Variants in SEPTIN9 observed in about 807,000 individuals in gnomAD.
SEPTIN9 encodes the protein septin-9.
A neutral mutation model predicts 56.6 loss-of-function variants in SEPTIN9; 13 were observed. The ratio of observed to expected loss-of-function variants is 0.23; its 90% confidence interval spans 0.15 to 0.37. SEPTIN9 has a LOEUF of 0.37. Ranked by LOEUF, SEPTIN9 falls within the 10% of genes least tolerant of loss-of-function variation. The pLI is 1.00. For missense variants in SEPTIN9, 650 were observed against 823.1 expected, an observed-to-expected ratio of 0.79 and a Z score of 2.57; for synonymous variants, 332 against 334.1, an observed-to-expected ratio of 0.99 and a Z score of 0.07.
chr17:77,455,444 CGGTCACTGAAT>C (rs2038157363), intron 3 of SEPTIN9, among the ~76,000 whole-genome samples: 1 of 152,246 alleles, frequency 6.6e-6, no homozygotes, highest in Non-Finnish European at 1.5e-5. Context: ...CCAGGTGACT[CGGTCACTGAAT>C]GGTCACTGAA....
intron 1 of SEPTIN9, among the ~76,000 whole-genome samples, chr17:77,294,289 G>A (rs2031705745): frequency 6.6e-6 from 1 of 151,600 alleles, no homozygotes; most frequent in Non-Finnish European, 1.5e-5. Flanking sequence ...GTGTGATGAC[G>A]CACGCCTGTA....
chr17:77,418,351 T>C (rs2036576005), intron 3 of SEPTIN9, among the ~76,000 whole-genome samples: 1 of 151,728 alleles, frequency 6.6e-6, no homozygotes, highest in Non-Finnish European at 1.5e-5. Flanking sequence ...CTCTGCTCTT[T>C]TTTTTTCTTA....
At position 77,405,147 on chromosome 17, in the gene SEPTIN9, G is replaced by A. The variant is rs781306427; in HGVS notation, c.721+2444G>A. The A allele has an allele frequency of 1.9e-5, 29 of 1,531,394 alleles. No individual in the cohort carries two copies. The highest frequency in any genetic ancestry group is 2.4e-5 in the Non-Finnish European group (28 of 1,143,266). 94.9% of individuals were successfully genotyped at this position (1,531,394 alleles called of 1,614,324 possible). A position where few individuals can be genotyped will look rare whatever the true frequency, so the allele number is the denominator to read the frequency against. ...TCCTGGCTCTGGGGGACAGGTAGGG[G>A]GATGTCCATGGGGATGTACAAGAAC... is the stretch of plus-strand genomic sequence containing the variant. On this transcript the variant is annotated intron_variant, in intron 3 of 11. Transcript: ENST00000427177. The surrounding 1 kb of genome is among the most constrained non-coding windows in gnomAD (Gnocchi z 5.8).
Position 77,310,001 on chromosome 17 carries a change from TAG to T in SEPTIN9, c.76+2807_76+2808del, listed in dbSNP as rs2032427489. 6.6e-6 allele frequency among the ~76,000 whole-genome samples: 1 copy of T among 151,118 alleles called. No homozygotes were observed. The highest frequency in any genetic ancestry group is 1.5e-5 in the Non-Finnish European group (1 of 67,734). The stretch of plus-strand genomic sequence containing the variant: ...GGTCTCCTTTTTTTTTTTTTTGAGA[TAG>T]AGTCTCGCTCTATCGCCCAGGCTGG... On this transcript the variant is annotated intron_variant, in intron 2 of 11. Transcript: ENST00000427177. The surrounding 1 kb of genome is among the most constrained non-coding windows in gnomAD (Gnocchi z 4.7).
chr17:77,382,514 C>T (rs867765428), intron 2 of SEPTIN9, among the ~76,000 whole-genome samples: 2 of 152,278 alleles, frequency 1.3e-5, no homozygotes, highest in Admixed American at 6.5e-5. Context: ...GGCCCTGCTG[C>T]GCACGAGATC....
At chr17:77,388,485 G>A (rs80090184) in intron 2 of SEPTIN9, among the ~76,000 whole-genome samples, 53 of 152,342 alleles carry the variant, frequency 3.5e-4, no homozygotes, top group African/African-American at 1.1e-3. Flanking sequence ...AGGCAGATCC[G>A]TGTAGGTTCA....
intron 2 of SEPTIN9, among the ~76,000 whole-genome samples, chr17:77,345,409 C>G (rs900968120): frequency 3.3e-5 from 5 of 152,240 alleles, no homozygotes; most frequent in African/African-American, 9.6e-5. Flanking sequence ...GGAGCGTCCT[C>G]CACACCTTGC....
At chr17:77,480,697 G>GC (rs2039420995) in intron 3 of SEPTIN9, among the ~76,000 whole-genome samples, 1 of 152,200 alleles carries the variant, frequency 6.6e-6, no homozygotes, top group African/African-American at 2.4e-5. Context: ...CCCCTGCTGG[G>GC]TGCCCACCGG....
chr17:77,340,162 A>G (rs781176360), intron 2 of SEPTIN9, among the ~76,000 whole-genome samples: 1 of 150,012 alleles, frequency 6.7e-6, no homozygotes, highest in Non-Finnish European at 1.5e-5. Flanking sequence ...TCAAATTGAG[A>G]CAGAGTCTCC....
In SEPTIN9 at chr17:77,281,516, G is replaced by A. The variant is rs766092527; in HGVS notation, c.-20G>A. On this transcript the variant is annotated 5_prime_UTR_variant, in exon 1 of 12. Coordinates refer to ENST00000427177, the MANE Select transcript of SEPTIN9 (RefSeq NM_001113491.2). ...GCCTCGCCGCCACACTTTCCTGGGA[G>A]CGGCGGCCACGGAGGCACCATGAAG... 99 of 1,547,552 alleles carry A rather than the reference G, an allele frequency of 6.4e-5. No homozygotes were observed. The highest frequency in any genetic ancestry group is 7.4e-5 in the Non-Finnish European group (85 of 1,146,350).
chr17:77,474,063 C>T (rs1388618855), intron 3 of SEPTIN9, among the ~76,000 whole-genome samples: 1 of 152,214 alleles, frequency 6.6e-6, no homozygotes, highest in Non-Finnish European at 1.5e-5. Context: ...TAGCTTCTCC[C>T]TCCACCCACT....
At position 77,319,989 on chromosome 17, in the gene SEPTIN9, C is replaced by A; in HGVS notation, c.76+12792C>A. The A allele has an allele frequency of 8.1e-7, 1 of 1,236,536 alleles. No homozygotes were observed. Among genetic ancestry groups the A allele is most frequent in the Admixed American group, 3.9e-5 (1 of 25,722 alleles). 76.6% of individuals were successfully genotyped at this position (1,236,536 alleles called of 1,614,324 possible). A position where few individuals can be genotyped will look rare whatever the true frequency, so the allele number is the denominator to read the frequency against. On this transcript the variant is annotated intron_variant, in intron 2 of 11. Coordinates refer to ENST00000427177, the MANE Select transcript of SEPTIN9 (RefSeq NM_001113491.2). The surrounding 1 kb of genome is among the most constrained non-coding windows in gnomAD (Gnocchi z 5.3). ...ACTCTGGGACTCTCGCAGGCAGACC[C>A]GGTGGTCTGCCGGACTCCTCGGGGC... is the stretch of plus-strand genomic sequence containing the variant.
At chr17:77,382,135 C>A (rs1278353763) in intron 2 of SEPTIN9, among the ~76,000 whole-genome samples, 1 of 152,150 alleles carries the variant, frequency 6.6e-6, no homozygotes, top group East Asian at 1.9e-4. Context: ...TCAAGCGATT[C>A]TCCTGCCTCA....
chr17:77,497,967 C>T (rs1414641502), intron 11 of SEPTIN9, among the ~76,000 whole-genome samples: 1 of 152,102 alleles, frequency 6.6e-6, no homozygotes, highest in East Asian at 1.9e-4. Flanking sequence ...GCCGTTCTGC[C>T]ATTGTGGGGA....
chr17:77,284,516 C>T (rs2031186078), intron 1 of SEPTIN9, among the ~76,000 whole-genome samples: 1 of 152,242 alleles, frequency 6.6e-6, no homozygotes, highest in Non-Finnish European at 1.5e-5. Context: ...GAGCCGCCAG[C>T]CCCTTGGGAT....
At chr17:77,292,980 C>A (rs1387382844) in intron 1 of SEPTIN9, among the ~76,000 whole-genome samples, 1 of 150,580 alleles carries the variant, frequency 6.6e-6, no homozygotes, top group Non-Finnish European at 1.5e-5. Context: ...GAAATGGAAA[C>A]CGCTTGAGCA....
At chr17:77,493,104 G>A (rs75887441) in intron 10 of SEPTIN9, 28 bp downstream of exon 10, 46 of 1,501,860 alleles carry the variant, frequency 3.1e-5, no homozygotes, top group African/African-American at 1.4e-5. Context: ...CGGGGCTCCA[G>A]ACAGATGGGA....
chr17:77,467,742 C>T (rs1415179108), intron 3 of SEPTIN9, among the ~76,000 whole-genome samples: 1 of 152,226 alleles, frequency 6.6e-6, no homozygotes. Context: ...CTGGCCAGCG[C>T]GGCCGGCACA....
At chr17:77,406,815 C>T (rs890916552) in intron 3 of SEPTIN9, among the ~76,000 whole-genome samples, 4 of 152,108 alleles carry the variant, frequency 2.6e-5, no homozygotes, top group South Asian at 2.1e-4. Context: ...GGACTATAGG[C>T]GTGGGCTACC....
Sources: gnomAD v4.1 joint callset for allele counts (sites outside exome capture counted in the v4.1 genomes callset) on GRCh38, gnomAD v4.1.1 for gene constraint, Gnocchi (gnomAD v3.1) non-coding constraint, MANE v1.5 for transcripts, NCBI Gene and HGNC (gene_info 2026-07-23, HGNC 2026-07-21) for gene names.